The following ARL5A variants were observed in gnomAD, a reference collection of about 807,000 sequenced individuals.
ARL5A encodes ARF like GTPase 5A, also known as ADP-ribosylation factor-like protein 5A.
In ARL5A, 18 loss-of-function variants were observed where a neutral mutation model predicts 25.9. The observed-to-expected ratio is 0.69, with a 90% CI of 0.48 to 1.03. The LOEUF (loss-of-function observed/expected upper bound fraction) is 1.03. Among genes scored for constraint, ARL5A ranks in the 50% least tolerant of loss-of-function variants. The pLI, the probability that ARL5A is intolerant of heterozygous loss-of-function variation, is 0.00. For missense variants in ARL5A, 170 were observed against 211.9 expected (o/e 0.80, Z 1.23); for synonymous variants, 61 against 67.5 (o/e 0.90, Z 0.47).
In ARL5A at chr2:151,814,170, T is replaced by A. The variant is rs1174837796; in HGVS notation, c.254A>T (p.Glu85Val). 1 of 1,573,494 alleles carries A rather than the reference T, an allele frequency of 6.4e-7. No individual in the cohort carries two copies. The highest frequency in any genetic ancestry group is 2.3e-5 in the East Asian group (1 of 43,682). ...SSWNTYYTNTEFVIVVVDSTD... is the reference protein window; with the variant it reads ...SSWNTYYTNTVFVIVVVDSTD... ...TTTAAATATTGTAAGAAACATTACC[T>A]CTGTGTTAGTATAGTAAGTGTTCCA... Residue 85 changes from glutamate (E) to valine (V), a missense_variant and splice_region_variant, in exon 3 of 6, where the codon GAG (glutamate) becomes GTG (valine). Coordinates refer to ENST00000295087, the MANE Select transcript of ARL5A (RefSeq NM_012097.4).
intron 1 of ARL5A, among the ~76,000 whole-genome samples, chr2:151,820,660 CAA>C (rs71410438): frequency 2.2e-5 from 1 of 45,060 alleles, no homozygotes. Flanking sequence ...ATCCTGTCTC[CAA>C]AAAAAAAAAA....
At chr2:151,809,585 CGTGACTTAACAAGAG>C (rs2099830558) in intron 4 of ARL5A, among the ~76,000 whole-genome samples, 1 of 152,048 alleles carries the variant, frequency 6.6e-6, no homozygotes, top group Non-Finnish European at 1.5e-5. Context: ...TGTTCATCAA[CGTGACTTAACAAGAG>C]GTCAAAGTAT....
At chr2:151,826,263 A>G (rs192773474) in intron 1 of ARL5A, among the ~76,000 whole-genome samples, 25 of 152,372 alleles carry the variant, frequency 1.6e-4, no homozygotes, top group Non-Finnish European at 1.9e-4. Flanking sequence ...CACAATATTC[A>G]TATCTAATTT....
intron 4 of ARL5A, among the ~76,000 whole-genome samples, chr2:151,810,954 CA>C (rs1477458912): frequency 6.6e-6 from 1 of 151,500 alleles, no homozygotes; most frequent in Non-Finnish European, 1.5e-5. Context: ...GAAAAAAAAA[CA>C]AACAAAAAAA....
rs185172768 is a variant in ARL5A at position 151,824,493 on chromosome 2, A to G, written c.46+3638T>C. Among the ~76,000 whole-genome samples, 37 of 152,104 alleles carry G rather than the reference A, an allele frequency of 2.4e-4. 1 individual carries two copies. The highest frequency in any genetic ancestry group is 8.4e-4 in the African/African-American group (35 of 41,438). ...TTTAAACTCCCTAATAATAATAATA[A>G]TAATAATAATAACAACAATAATAAG... On this transcript the variant is annotated intron_variant, in intron 1 of 5. Transcript: ENST00000295087.
At chr2:151,819,813 T>C (rs192167036) in intron 1 of ARL5A, among the ~76,000 whole-genome samples, 107 of 151,880 alleles carry the variant, frequency 7.0e-4, no homozygotes, top group Admixed American at 2.6e-4. Context: ...CCCAGCACTT[T>C]GGGAGGCCGA....
intron 4 of ARL5A, among the ~76,000 whole-genome samples, chr2:151,809,949 G>C (rs990809073): frequency 3.3e-5 from 5 of 152,150 alleles, no homozygotes; most frequent in Non-Finnish European, 7.4e-5. Context: ...CTGGCGTGGT[G>C]GTGGGCGCCT....
At chr2:151,818,322 A>C (rs2099831797) in intron 1 of ARL5A, among the ~76,000 whole-genome samples, 1 of 152,098 alleles carries the variant, frequency 6.6e-6, no homozygotes, top group South Asian at 2.1e-4. Context: ...CTTGCTGCCC[A>C]GGCTGGATTG....
chr2:151,823,065 A>C lies in ARL5A; in HGVS notation c.46+5066T>G, dbSNP rs1009840969. Among the ~76,000 whole-genome samples the C allele has an allele frequency of 5.9e-5, 9 of 152,236 alleles. 1 individual carries two copies. ...AAACACAAAAACACCAGGGCAAATA[A>C]ATGGAGAGTCCTCTTGATTCATCAT... On this transcript the variant is annotated intron_variant, in intron 1 of 5. Transcript: ENST00000295087.
intron 5 of ARL5A, among the ~76,000 whole-genome samples, chr2:151,805,113 T>G (rs1578370841): frequency 6.6e-6 from 1 of 152,180 alleles, no homozygotes; most frequent in African/African-American, 2.4e-5. Context: ...TGCTTTTGCT[T>G]GACAAAGATA....
chr2:151,819,727 A>C (rs558321862), intron 1 of ARL5A, among the ~76,000 whole-genome samples: 14 of 151,862 alleles, frequency 9.2e-5, no homozygotes, highest in Non-Finnish European at 1.8e-4. Context: ...TTCTGTTAGG[A>C]AAAACTAGCT....
chr2:151,806,771 T>G (rs1303008448), intron 5 of ARL5A, 50 bp downstream of exon 5: 6 of 1,556,060 alleles, frequency 3.9e-6, no homozygotes, highest in Non-Finnish European at 5.2e-6. Flanking sequence ...GATATACATG[T>G]TACTAAGCAA....
intron 1 of ARL5A, among the ~76,000 whole-genome samples, chr2:151,818,929 C>T (rs1314339775): frequency 3.9e-5 from 6 of 152,068 alleles, no homozygotes; most frequent in African/African-American, 9.7e-5. Context: ...ATCCCGCCCC[C>T]GCCTCCACCC....
Position 151,810,190 on chromosome 2 carries a change from T to G in ARL5A, c.339+2167A>C, listed in dbSNP as rs2099830651. ...TTGGTGTTTGGAACCATTTTAAAAT[T>G]AATGAGTTCTAAAGTTGTATACTTC... On this transcript the variant is annotated intron_variant, in intron 4 of 5. Coordinates refer to ENST00000295087, the MANE Select transcript of ARL5A (RefSeq NM_012097.4). Among the ~76,000 whole-genome samples the G allele has an allele frequency of 2.0e-5, 3 of 152,206 alleles. No homozygotes were observed. The South Asian group carries it at 6.2e-4, about 32-fold the overall frequency.
chr2:151,820,587 G>T (rs2099832139), intron 1 of ARL5A, among the ~76,000 whole-genome samples: 1 of 145,468 alleles, frequency 6.9e-6, no homozygotes, highest in Non-Finnish European at 1.5e-5. Context: ...TTGAACCTGG[G>T]AGTCAGAGGT....
rs966032636 is a variant in ARL5A, at chr2:151,801,688, A to G, written c.*1588T>C. 2.6e-5 allele frequency: 4 copies of G among 152,130 alleles called. No homozygotes were observed. Among genetic ancestry groups the G allele is most frequent in the Non-Finnish European group, 5.9e-5 (4 of 67,960 alleles). The allele number at this position is 152,130 out of a possible 1,614,324, so 9.4% of individuals were successfully genotyped here. On this transcript the variant is annotated 3_prime_UTR_variant, in exon 6 of 6. Coordinates refer to ENST00000295087, the MANE Select transcript of ARL5A (RefSeq NM_012097.4). ...ATATTGAGTATTTCCCATTTTAAAG[A>G]AAGAAACTTTCAAAGTTTTGTCAAT... is the stretch of plus-strand genomic sequence containing the variant.
At chr2:151,803,402 AAGAG>A in intron 5 of ARL5A, 78 bp from the exon 6 acceptor site, 1 of 1,000,730 alleles carries the variant, frequency 1.0e-6, no homozygotes, top group Non-Finnish European at 1.6e-6. Flanking sequence ...AGCAAACTAA[AAGAG>A]AGCATTTTTC....
chr2:151,820,682 A>AC (rs1185741119), intron 1 of ARL5A, among the ~76,000 whole-genome samples: 2 of 150,968 alleles, frequency 1.3e-5, no homozygotes, highest in African/African-American at 4.9e-5. Flanking sequence ...AAAAAAAAAA[A>AC]AAACAGAATC....
At chr2:151,827,243 T>C (rs2099833185) in intron 1 of ARL5A, among the ~76,000 whole-genome samples, 1 of 152,252 alleles carries the variant, frequency 6.6e-6, no homozygotes, top group Non-Finnish European at 1.5e-5. Flanking sequence ...TAAAATTGTA[T>C]TCTCTTTCCC....
Sources: allele counts gnomAD v4.1 joint callset (sites outside exome capture counted in the v4.1 genomes callset), GRCh38; gene constraint gnomAD v4.1.1; transcripts MANE v1.5; gene names NCBI Gene and HGNC (gene_info 2026-07-23, HGNC 2026-07-21).